Variants in FHIT observed in about 807,000 individuals in gnomAD.
FHIT encodes the protein bis(5'-adenosyl)-triphosphatase.
In FHIT, 19 loss-of-function variants were observed where a neutral mutation model predicts 17.9. The ratio of observed to expected loss-of-function variants is 1.06; its 90% CI spans 0.74 to 1.56. The LOEUF (loss-of-function observed/expected upper bound fraction) is 1.56. FHIT is among the 40% of genes most tolerant of loss of function. The pLI is 0.00. For missense variants in FHIT, 248 were observed against 189.2 expected (o/e 1.31, Z -1.82); for synonymous variants, 81 against 69.7 (o/e 1.16, Z -0.81).
At chr3:59,895,319 C>A (rs1227150209) in intron 8 of FHIT, among the ~76,000 whole-genome samples, 2 of 152,206 alleles carry the variant, frequency 1.3e-5, no homozygotes, top group Non-Finnish European at 2.9e-5. Flanking sequence ...CAGTGCCTAG[C>A]ACAGTTCCCA....
At chr3:60,537,407 G>T (rs1449835702) in intron 4 of FHIT, 9 of 876,680 alleles carry the variant, frequency 1.0e-5, no homozygotes, top group African/African-American at 3.6e-5. Flanking sequence ...TCTCTCAAAT[G>T]GTTTTGTGTT....
At chr3:60,388,515 A>G (rs182865457) in intron 5 of FHIT, among the ~76,000 whole-genome samples, 10 of 152,232 alleles carry the variant, frequency 6.6e-5, no homozygotes, top group Non-Finnish European at 8.8e-5. Flanking sequence ...AGGTGACAGG[A>G]TCATAAGCCC....
In FHIT at chr3:61,225,269, T is replaced by C. The variant is rs2039941021; in HGVS notation, c.-212-24604A>G. Among the ~76,000 whole-genome samples the C allele has an allele frequency of 3.9e-5, 6 of 152,382 alleles. No individual in the cohort carries two copies. The South Asian group carries it at 1.2e-3, about 32-fold the overall frequency. On this transcript the variant is annotated intron_variant, in intron 1 of 9. Transcript: ENST00000492590. Reference sequence around the variant, plus strand: ...TCAATTTTTATGGAGTTGCTATGAGTAGTTTCATGTTTGTTAATGCCTGGT... The same window carrying C: ...TCAATTTTTATGGAGTTGCTATGAGCAGTTTCATGTTTGTTAATGCCTGGT...
chr3:59,914,323 C>A (rs1199910073), intron 8 of FHIT, among the ~76,000 whole-genome samples: 1 of 151,936 alleles, frequency 6.6e-6, no homozygotes, highest in African/African-American at 2.4e-5. Flanking sequence ...TAGACGTCAC[C>A]CCGCAGTGAC....
chr3:60,717,508 TCAAA>T (rs2041712257), intron 4 of FHIT, among the ~76,000 whole-genome samples: 1 of 152,126 alleles, frequency 6.6e-6, no homozygotes, highest in South Asian at 2.1e-4. Context: ...ATGGGCCTAC[TCAAA>T]CAGAGTATCT....
intron 5 of FHIT, among the ~76,000 whole-genome samples, chr3:60,120,348 T>G (rs188696209): frequency 2.0e-5 from 3 of 152,338 alleles, no homozygotes; most frequent in East Asian, 3.9e-4. Context: ...CCAGAATTGA[T>G]TCTGAGGCAG....
At chr3:60,682,768 T>C (rs973629691) in intron 4 of FHIT, among the ~76,000 whole-genome samples, 26 of 152,204 alleles carry the variant, frequency 1.7e-4, no homozygotes, top group Admixed American at 5.9e-4. Context: ...AGTCTCATTA[T>C]TTAAGAAATA....
chr3:60,027,679 C>T (rs759585527), intron 5 of FHIT, among the ~76,000 whole-genome samples: 16 of 150,190 alleles, frequency 1.1e-4, no homozygotes, highest in African/African-American at 1.5e-4. Context: ...TCCCTGAAAA[C>T]GTACTCTTAA....
intron 1 of FHIT, among the ~76,000 whole-genome samples, chr3:61,237,307 T>C (rs2040256749): frequency 6.6e-6 from 1 of 152,220 alleles, no homozygotes; most frequent in African/African-American, 2.4e-5. Context: ...TTTTCTGATG[T>C]TGGACTAATG....
Position 60,568,573 on chromosome 3 carries a change from A to C in FHIT, c.-17-31594T>G, listed in dbSNP as rs1576896052. Among the ~76,000 whole-genome samples, 2 of 152,208 alleles carry C rather than the reference A, an allele frequency of 1.3e-5. 1 individual carries two copies. The highest frequency in any genetic ancestry group is 4.2e-4 in the South Asian group (2 of 4,814). ...GTATACATATGTAACTAACCTGTAC[A>C]TTCTGCACATGTACCCTGAAACTTA... On this transcript the variant is annotated intron_variant, in intron 4 of 9. Coordinates refer to ENST00000492590, the MANE Select transcript of FHIT (RefSeq NM_002012.4).
rs115775079 is a variant in FHIT, at chr3:60,582,784, C to T, written c.-17-45805G>A. ...CATAACAACAACAAATAGAAAGTAG[C>T]ATTTATTATAGGTTTACTGTGTGTC... On this transcript the variant is annotated intron_variant, in intron 4 of 9. Coordinates refer to ENST00000492590, the MANE Select transcript of FHIT (RefSeq NM_002012.4). Among the ~76,000 whole-genome samples, 1,187 of 152,140 alleles carry T rather than the reference C, an allele frequency of 7.8e-3. 11 individuals carry two copies. Among genetic ancestry groups the T allele is most frequent in the African/African-American group, 0.027 (1,138 of 41,530 alleles).
chr3:60,244,905 A>AT (rs1167413123), intron 5 of FHIT, among the ~76,000 whole-genome samples: 1 of 152,124 alleles, frequency 6.6e-6, no homozygotes, highest in Non-Finnish European at 1.5e-5. Flanking sequence ...CTGTCAATGC[A>AT]TTTTTAGAAA....
intron 1 of FHIT, among the ~76,000 whole-genome samples, chr3:61,211,203 T>C (rs1023701876): frequency 2.6e-5 from 4 of 151,944 alleles, no homozygotes; most frequent in Non-Finnish European, 4.4e-5. Context: ...GGGTGAGGCA[T>C]TGCCTCACTC....
chr3:59,758,090 G>A (rs1039525200), intron 8 of FHIT, among the ~76,000 whole-genome samples: 5 of 152,316 alleles, frequency 3.3e-5, no homozygotes, highest in South Asian at 4.1e-4. Context: ...ATCTGGGGCA[G>A]GGGGAGACAA....
intron 4 of FHIT, among the ~76,000 whole-genome samples, chr3:60,621,144 A>ATTTTTTTTT (rs11370683): frequency 1.1e-5 from 1 of 95,090 alleles, no homozygotes; most frequent in Non-Finnish European, 1.9e-5. Flanking sequence ...TCTACTTTTG[A>ATTTTTTTTT]TTTTTTTTTT....
chr3:59,968,096 AG>A (rs1708011926), intron 7 of FHIT, among the ~76,000 whole-genome samples: 1 of 152,072 alleles, frequency 6.6e-6, no homozygotes, highest in African/African-American at 2.4e-5. Flanking sequence ...ACCAATATGG[AG>A]GAACACTGAT....
intron 4 of FHIT, among the ~76,000 whole-genome samples, chr3:60,579,777 G>A (rs1434827199): frequency 6.6e-6 from 1 of 152,102 alleles, no homozygotes; most frequent in Non-Finnish European, 1.5e-5. Flanking sequence ...AGTGGAGAAA[G>A]AGGCTTTCTA....
intron 2 of FHIT, among the ~76,000 whole-genome samples, chr3:61,090,673 GAGA>G (rs1272222681): frequency 6.6e-6 from 1 of 152,094 alleles, no homozygotes; most frequent in Non-Finnish European, 1.5e-5. Context: ...GAGATAAAGA[GAGA>G]AGGATATGAA....
chr3:61,034,768 A>G (rs1422094459), intron 3 of FHIT, among the ~76,000 whole-genome samples: 1 of 152,166 alleles, frequency 6.6e-6, no homozygotes, highest in African/African-American at 2.4e-5. Flanking sequence ...TACCCCAGAA[A>G]TCTCACTGGT....
Sources: allele counts gnomAD v4.1 joint callset (sites outside exome capture counted in the v4.1 genomes callset), GRCh38; gene constraint gnomAD v4.1.1; transcripts MANE v1.5; gene names NCBI Gene and HGNC (gene_info 2026-07-23, HGNC 2026-07-21).